ZNF804B: variants seen among roughly 807,000 people sequenced by gnomAD.
The protein encoded by ZNF804B is zinc finger protein 804B.
ZNF804B carries 80 observed loss-of-function variants against 101.4 expected under a neutral mutation model. The ratio of observed to expected loss-of-function variants is 0.79; its 90% CI spans 0.66 to 0.95. The LOEUF is 0.95. Ranked by LOEUF, ZNF804B falls within the 40% of genes least tolerant of loss-of-function variation. The pLI is 0.00. For synonymous variants in ZNF804B, 622 were observed against 558.8 expected (o/e 1.11, Z -1.59); for missense variants, 1,673 against 1,561.9 (o/e 1.07, Z -1.20).
chr7:89,313,330 T>C (rs962399544), intron 2 of ZNF804B, among the ~76,000 whole-genome samples: 2 of 152,328 alleles, frequency 1.3e-5, no homozygotes, highest in East Asian at 3.9e-4. Context: ...ATGGAAATTA[T>C]CCTGGGATCT....
Position 89,336,615 on chromosome 7 carries a change from C to A in ZNF804B, c.3633C>A (p.His1211Gln). The part of the protein sequence containing the change: ...HQHTSITTIH[H>Q]TFLQHFAVSA... ...ACACTTCTATCACCACCATCCACCACACGTTCCTGCAGCATTTTGCTGTTT... is the reference window on the plus strand; with the variant it reads ...ACACTTCTATCACCACCATCCACCAAACGTTCCTGCAGCATTTTGCTGTTT... Residue 1211 changes from histidine to glutamine, a missense_variant, in exon 4 of 4, where the codon CAC becomes CAA. By Grantham distance (24) the His-to-Gln change is conservative (BLOSUM62 0). Coordinates refer to ENST00000333190, the MANE Select transcript of ZNF804B (RefSeq NM_181646.5). 6.2e-7 allele frequency: 1 copy of A among 1,614,108 alleles called. No individual in the cohort carries two copies. Among genetic ancestry groups the A allele is most frequent in the East Asian group, 2.2e-5 (1 of 44,858 alleles).
intron 1 of ZNF804B, among the ~76,000 whole-genome samples, chr7:89,071,627 T>C (rs911240784): frequency 1.3e-5 from 2 of 152,140 alleles, no homozygotes; most frequent in Non-Finnish European, 2.9e-5. Context: ...TCAATTACAA[T>C]GTTCTTGTTC....
intron 1 of ZNF804B, among the ~76,000 whole-genome samples, chr7:88,869,253 C>T (rs1791780071): frequency 6.6e-6 from 1 of 152,110 alleles, no homozygotes. Context: ...AACTATAAAA[C>T]ATGGCATTTA....
chr7:89,205,980 G>A (rs2888683), intron 1 of ZNF804B, among the ~76,000 whole-genome samples: 89,526 of 152,016 alleles, frequency 0.59, 26,894 homozygotes, highest in African/African-American at 0.63. Context: ...CTAGGCGGAG[G>A]TTCCCAAATC....
intron 1 of ZNF804B, among the ~76,000 whole-genome samples, chr7:89,206,732 A>G (rs1381090225): frequency 6.6e-6 from 1 of 152,168 alleles, no homozygotes; most frequent in Non-Finnish European, 1.5e-5. Flanking sequence ...AGCCTGGGTC[A>G]CAAGAACAAA....
intron 1 of ZNF804B, among the ~76,000 whole-genome samples, chr7:88,971,939 G>T (rs560619047): frequency 1.3e-5 from 2 of 151,324 alleles, no homozygotes. Flanking sequence ...ATCTTTTACC[G>T]CTTTTCCAGT....
At chr7:89,216,069 C>T (rs1204158870) in intron 1 of ZNF804B, among the ~76,000 whole-genome samples, 2 of 152,138 alleles carry the variant, frequency 1.3e-5, no homozygotes, top group Admixed American at 6.5e-5. Context: ...TTTGGGAGGC[C>T]GCGGCAGGTG....
chr7:89,213,901 T>C lies in ZNF804B; in HGVS notation c.109-4254T>C, dbSNP rs934081726. On this transcript the variant is annotated intron_variant, in intron 1 of 3. Coordinates refer to ENST00000333190, the MANE Select transcript of ZNF804B (RefSeq NM_181646.5). ...TGAAGTGCTTGGCACATTTCTAGTT[T>C]ACAATGTAGTTCATGAGGAGTTAAT... Among the ~76,000 whole-genome samples, 7 of 152,358 alleles carry C rather than the reference T, an allele frequency of 4.6e-5. No homozygotes were observed. The East Asian group carries it at 1.3e-3, about 29-fold the overall frequency.
intron 1 of ZNF804B, among the ~76,000 whole-genome samples, chr7:89,143,178 G>T (rs775683734): frequency 4.6e-5 from 7 of 151,736 alleles, no homozygotes; most frequent in African/African-American, 1.7e-4. Context: ...AGGGTGGGGG[G>T]GTTGGTAAAG....
At chr7:88,881,919 C>T (rs2107601) in intron 1 of ZNF804B, among the ~76,000 whole-genome samples, 32,266 of 152,032 alleles carry the variant, frequency 0.21, 4,269 homozygotes, top group East Asian at 0.44. Context: ...TAAAGGTTCA[C>T]ATAATCATCT....
intron 1 of ZNF804B, among the ~76,000 whole-genome samples, chr7:88,971,036 A>T (rs187422194): frequency 4.2e-4 from 63 of 151,496 alleles, no homozygotes; most frequent in Admixed American, 1.5e-3. Context: ...TAAAAAAAAA[A>T]CAGCCTTGCC....
chr7:89,328,606 G>C (rs1368409135), intron 3 of ZNF804B, among the ~76,000 whole-genome samples: 2 of 151,736 alleles, frequency 1.3e-5, no homozygotes, highest in Non-Finnish European at 2.9e-5. Flanking sequence ...CTGTTAATGA[G>C]AACTCAGTCC....
At chr7:88,902,215 T>C in intron 1 of ZNF804B, among the ~76,000 whole-genome samples, 2 of 152,084 alleles carry the variant, frequency 1.3e-5, no homozygotes, top group South Asian at 4.1e-4. Flanking sequence ...GTGGGATACA[T>C]GACTATTAGA....
At chr7:88,981,438 G>A (rs1793693543) in intron 1 of ZNF804B, among the ~76,000 whole-genome samples, 1 of 151,940 alleles carries the variant, frequency 6.6e-6, no homozygotes, top group African/African-American at 2.4e-5. Flanking sequence ...ATCTCTCTCC[G>A]AGCTGTGAGC....
At chr7:88,910,935 A>G (rs1792540456) in intron 1 of ZNF804B, among the ~76,000 whole-genome samples, 2 of 152,008 alleles carry the variant, frequency 1.3e-5, no homozygotes, top group Admixed American at 6.6e-5. Flanking sequence ...TTTAAGAGTA[A>G]TAAATAATTG....
intron 1 of ZNF804B, among the ~76,000 whole-genome samples, chr7:89,161,612 G>A (rs1791065379): frequency 6.6e-6 from 1 of 151,862 alleles, no homozygotes; most frequent in African/African-American, 2.4e-5. Context: ...TGGTCTCAAA[G>A]TCCTGGGCTC....
At chr7:89,156,017 TTC>T (rs1562899636) in intron 1 of ZNF804B, among the ~76,000 whole-genome samples, 140 of 77,516 alleles carry the variant, frequency 1.8e-3, no homozygotes, top group Admixed American at 2.3e-3. Flanking sequence ...CTTTCTCTCT[TTC>T]CTTTCTTTCT....
intron 1 of ZNF804B, among the ~76,000 whole-genome samples, chr7:89,171,767 C>G (rs1398671430): frequency 6.6e-6 from 1 of 152,044 alleles, no homozygotes; most frequent in Non-Finnish European, 1.5e-5. Flanking sequence ...GAGACTAGGG[C>G]TTTGGGGGAT....
chr7:89,106,123 T>C (rs1241533639), intron 1 of ZNF804B, among the ~76,000 whole-genome samples: 5 of 152,156 alleles, frequency 3.3e-5, no homozygotes, highest in Non-Finnish European at 5.9e-5. Flanking sequence ...GCAGAGATGG[T>C]GTCAGTACTA....
Sources: allele counts gnomAD v4.1 joint callset (sites outside exome capture counted in the v4.1 genomes callset), GRCh38; gene constraint gnomAD v4.1.1; transcripts MANE v1.5; gene names NCBI Gene and HGNC (gene_info 2026-07-23, HGNC 2026-07-21).